BANK1: variants seen among roughly 807,000 people sequenced by gnomAD.
BANK1 encodes B-cell scaffold protein with ankyrin repeats.
BANK1 carries 95 observed loss-of-function variants against 94.5 expected under a neutral mutation model. That is an observed-to-expected ratio of 1.00 (90% CI 0.85 to 1.19). The LOEUF is 1.19. Among genes scored for constraint, BANK1 ranks in the 50% most tolerant of loss-of-function variants. The pLI, the probability that BANK1 is intolerant of heterozygous loss-of-function variation, is 0.00. For synonymous variants in BANK1, 334 were observed against 308.4 expected, an observed-to-expected ratio of 1.08 and a Z score of -0.87; for missense variants, 987 against 932.2, an observed-to-expected ratio of 1.06 and a Z score of -0.77.
chr4:101,896,631 A>G (rs998384779), intron 6 of BANK1, among the ~76,000 whole-genome samples: 2 of 152,002 alleles, frequency 1.3e-5, no homozygotes, highest in South Asian at 2.1e-4. Context: ...ACAAAATTAA[A>G]TACTAGATGA....
chr4:101,896,824 G>T (rs1433960500), intron 6 of BANK1, among the ~76,000 whole-genome samples: 1 of 151,812 alleles, frequency 6.6e-6, no homozygotes, highest in African/African-American at 2.4e-5. Flanking sequence ...AAGGAAGTGG[G>T]ATTTTACCTA....
At chr4:101,824,495 A>G (rs1032588306) in intron 1 of BANK1, among the ~76,000 whole-genome samples, 1 of 152,232 alleles carries the variant, frequency 6.6e-6, no homozygotes, top group Non-Finnish European at 1.5e-5. Context: ...AAACCTTTGA[A>G]AAATCCCCAG....
At position 101,929,217 on chromosome 4, in the gene BANK1, A is replaced by G. The variant is rs182837365; in HGVS notation, c.1206+11028A>G. ...AATATTTAGCAAGCACTCAGTCTAC[A>G]TCTGATGTGTTAGGAATTGTTGGTG... On this transcript the variant is annotated intron_variant, in intron 7 of 16. Coordinates refer to ENST00000322953, the MANE Select transcript of BANK1 (RefSeq NM_017935.5). 1.2e-3 allele frequency among the ~76,000 whole-genome samples: 188 copies of G among 151,724 alleles called. 1 individual carries two copies. The highest frequency in any genetic ancestry group is 2.0e-3 in the Non-Finnish European group (135 of 67,714).
At chr4:101,863,713 G>A (rs1397981919) in intron 4 of BANK1, among the ~76,000 whole-genome samples, 1 of 152,070 alleles carries the variant, frequency 6.6e-6, no homozygotes, top group African/African-American at 2.4e-5. Context: ...GTGTAGAAGT[G>A]AAATGAGAAA....
At chr4:102,028,902 A>G (rs1727190463) in intron 9 of BANK1, among the ~76,000 whole-genome samples, 1 of 150,272 alleles carries the variant, frequency 6.7e-6, no homozygotes, top group Non-Finnish European at 1.5e-5. Context: ...TCTGTTTTTT[A>G]TTTGTTTTTT....
chr4:101,845,249 A>G (rs900093778), intron 2 of BANK1, among the ~76,000 whole-genome samples: 3 of 152,116 alleles, frequency 2.0e-5, no homozygotes, highest in African/African-American at 7.2e-5. Context: ...AAAAGTTAAA[A>G]ATTAAAAAAT....
intron 7 of BANK1, among the ~76,000 whole-genome samples, chr4:101,943,368 A>T (rs1002750476): frequency 6.6e-6 from 1 of 151,934 alleles, no homozygotes; most frequent in Non-Finnish European, 1.5e-5. Context: ...CAAGAGATCC[A>T]TTAGATGACT....
chr4:101,958,838 G>T (rs1173912131), intron 7 of BANK1, among the ~76,000 whole-genome samples: 1 of 152,222 alleles, frequency 6.6e-6, no homozygotes, highest in Non-Finnish European at 1.5e-5. Context: ...AACTCTAGTG[G>T]TAGACTGAAT....
intron 8 of BANK1, among the ~76,000 whole-genome samples, chr4:102,022,367 C>T (rs956499163): frequency 1.3e-5 from 2 of 152,254 alleles, no homozygotes; most frequent in Middle Eastern, 3.4e-3. Context: ...TACTTTCTCT[C>T]CTACCCCATA....
At chr4:101,794,759 G>A (rs1375821659) in intron 1 of BANK1, among the ~76,000 whole-genome samples, 1 of 152,050 alleles carries the variant, frequency 6.6e-6, no homozygotes, top group Non-Finnish European at 1.5e-5. Flanking sequence ...AAATCTCTTT[G>A]TTGTTTCTAA....
At chr4:102,022,998 C>A (rs1726966734) in intron 8 of BANK1, among the ~76,000 whole-genome samples, 2 of 152,176 alleles carry the variant, frequency 1.3e-5, no homozygotes, top group African/African-American at 2.4e-5. Context: ...TGCTCCTTTT[C>A]TTCATTGCAC....
chr4:102,034,349 A>G (rs1172154125), intron 10 of BANK1, among the ~76,000 whole-genome samples: 9 of 152,188 alleles, frequency 5.9e-5, no homozygotes, highest in South Asian at 2.1e-4. Context: ...TTTAGCTGAT[A>G]TTACCCAAGC....
chr4:102,063,653 C>T (rs1450116568), intron 13 of BANK1, among the ~76,000 whole-genome samples: 1 of 151,562 alleles, frequency 6.6e-6, no homozygotes, highest in Non-Finnish European at 1.5e-5. Flanking sequence ...GAAACCCCAT[C>T]TCTACTAAAA....
intron 11 of BANK1, among the ~76,000 whole-genome samples, chr4:102,047,526 C>A (rs2148958112): frequency 6.6e-6 from 1 of 152,178 alleles, no homozygotes; most frequent in East Asian, 1.9e-4. Context: ...CAATTAGGAT[C>A]AGAACAGCTA....
At chr4:101,991,093 T>C (rs575525246) in intron 7 of BANK1, among the ~76,000 whole-genome samples, 13 of 152,310 alleles carry the variant, frequency 8.5e-5, no homozygotes, top group South Asian at 6.2e-4. Flanking sequence ...CCGTTTTGTA[T>C]ATGAGAAAAT....
intron 7 of BANK1, among the ~76,000 whole-genome samples, chr4:101,971,954 C>G (rs190644500): frequency 6.6e-6 from 1 of 151,930 alleles, no homozygotes; most frequent in African/African-American, 2.4e-5. Flanking sequence ...ACAATATTGC[C>G]TTGGCTATTT....
intron 7 of BANK1, among the ~76,000 whole-genome samples, chr4:101,939,568 G>T (rs899786563): frequency 2.0e-5 from 3 of 151,652 alleles, no homozygotes; most frequent in African/African-American, 7.3e-5. Flanking sequence ...GACAGAGGTT[G>T]AGAGAGACAT....
intron 12 of BANK1, among the ~76,000 whole-genome samples, chr4:102,060,704 G>T (rs1466600791): frequency 6.6e-6 from 1 of 152,092 alleles, no homozygotes; most frequent in Non-Finnish European, 1.5e-5. Flanking sequence ...ACACTGAAGG[G>T]TGTATTATGT....
At chr4:102,044,967 T>A (rs572690872) in intron 11 of BANK1, among the ~76,000 whole-genome samples, 1 of 146,672 alleles carries the variant, frequency 6.8e-6, no homozygotes, top group South Asian at 2.3e-4. Context: ...GAAAATTTTC[T>A]CCCATTTTGT....
Sources: gnomAD v4.1 joint callset for allele counts (sites outside exome capture counted in the v4.1 genomes callset) on GRCh38, gnomAD v4.1.1 for gene constraint, MANE v1.5 for transcripts, NCBI Gene and HGNC (gene_info 2026-07-23, HGNC 2026-07-21) for gene names.